The following ASXL3 variants were observed in gnomAD, a reference collection of about 807,000 sequenced individuals.
The protein encoded by ASXL3 is putative Polycomb group protein ASXL3.
Under a neutral mutation model 170.6 loss-of-function variants are expected in ASXL3, and 34 were observed. The ratio of observed to expected loss-of-function variants is 0.20; its 90% CI spans 0.15 to 0.27. The LOEUF (loss-of-function observed/expected upper bound fraction) is 0.27, where lower values mean the gene tolerates loss of function less well. Among genes scored for constraint, ASXL3 ranks in the 10% least tolerant of loss-of-function variants. ASXL3 has a pLI of 1.00. For synonymous variants in ASXL3, 1,002 were observed against 989.1 expected, an observed-to-expected ratio of 1.01 and a Z score of -0.24; for missense variants, 2,592 against 2,695.3, an observed-to-expected ratio of 0.96 and a Z score of 0.85.
rs2067626728 is a variant in ASXL3 at position 33,739,894 on chromosome 18, T to C, written c.2490T>C (p.Asn830=). 6.2e-7 allele frequency: 1 copy of C among 1,613,802 alleles called. No homozygotes were observed. Among genetic ancestry groups the C allele is most frequent in the African/African-American group, 1.3e-5 (1 of 74,892 alleles). ...CATTTCCGTCTGAAGATTTGCACAA[T>C]AAGACCCTGAGTCAGCAAACCTGTA... ...PEAFPSEDLH[N]KTLSQQTCKS... The change falls in exon 11 of 12, where the codon AAT becomes AAC. Residue 830 remains asparagine, a synonymous_variant. Transcript: ENST00000269197.
chr18:33,720,403 C>G (rs1348089506), intron 8 of ASXL3, among the ~76,000 whole-genome samples: 1 of 152,058 alleles, frequency 6.6e-6, no homozygotes, highest in Non-Finnish European at 1.5e-5. Flanking sequence ...TTTATCTATA[C>G]AAGAACATGA....
intron 8 of ASXL3, among the ~76,000 whole-genome samples, chr18:33,684,656 G>A (rs1022765082): frequency 6.6e-6 from 1 of 151,918 alleles, no homozygotes; most frequent in South Asian, 2.1e-4. Context: ...TATATTCTGG[G>A]TGCTTTGGAG....
rs2067791317 is a variant in ASXL3, at chr18:33,746,275, C to G, written c.6427C>G (p.Gln2143Glu). Residue 2143 changes from glutamine (Q) to glutamate (E), a missense_variant, in exon 12 of 12, where the codon CAG becomes GAG. Physicochemically the swap from Gln to Glu is conservative, Grantham distance 29 (BLOSUM62 2). Around this residue, in one of 4 missense-constraint regions of ASXL3, gnomAD observed 2,246 missense variants for 2,219.6 expected, o/e 1.01. Transcript: ENST00000269197. ...TACCCAATTAGCTGCTCAGAAAATG[C>G]AGGTGCAGCAACAACAGCAGCTCTG... ...PFTQLAAQKM[Q>E]VQQQQQLCGN... 6.2e-7 allele frequency: 1 copy of G among 1,613,866 alleles called. No homozygotes were observed. Among genetic ancestry groups the G allele is most frequent in the Non-Finnish European group, 8.5e-7 (1 of 1,179,890 alleles).
At chr18:33,621,842 A>G (rs1568284278) in intron 2 of ASXL3, among the ~76,000 whole-genome samples, 1 of 152,198 alleles carries the variant, frequency 6.6e-6, no homozygotes, top group Non-Finnish European at 1.5e-5. Context: ...GGGTTTGTCC[A>G]ACAGCTATTC....
intron 7 of ASXL3, among the ~76,000 whole-genome samples, chr18:33,681,377 CT>C (rs1328864336): frequency 6.6e-6 from 1 of 152,104 alleles, no homozygotes; most frequent in African/African-American, 2.4e-5. Context: ...CAGCAAGATT[CT>C]CTAAAGGATA....
At chr18:33,658,560 T>G (rs2066118945) in intron 4 of ASXL3, among the ~76,000 whole-genome samples, 3 of 152,172 alleles carry the variant, frequency 2.0e-5, no homozygotes, top group African/African-American at 7.2e-5. Context: ...GTCCTACCCA[T>G]TTTTTCTTTC....
intron 8 of ASXL3, among the ~76,000 whole-genome samples, chr18:33,724,493 ATGTGGCTGTT>A (rs1001066759): frequency 1.3e-5 from 2 of 152,058 alleles, no homozygotes. Context: ...TGCTTATCAC[ATGTGGCTGTT>A]TCTGTCAGTG....
chr18:33,726,188 T>G (rs2067347737), intron 8 of ASXL3, among the ~76,000 whole-genome samples: 1 of 152,196 alleles, frequency 6.6e-6, no homozygotes. Flanking sequence ...AAATTCTTGA[T>G]ATCAGCCTTG....
intron 8 of ASXL3, among the ~76,000 whole-genome samples, chr18:33,698,177 C>T (rs1002276753): frequency 2.0e-5 from 3 of 152,044 alleles, no homozygotes; most frequent in Non-Finnish European, 4.4e-5. Flanking sequence ...GGATTAAACC[C>T]TTATAAAAGA....
rs192117417 is a variant in ASXL3 at position 33,739,925 on chromosome 18, C to T, written c.2521C>T (p.His841Tyr). The T allele has an allele frequency of 2.5e-5, 40 of 1,613,952 alleles. No individual in the cohort carries two copies. In the East Asian group the frequency reaches 8.5e-4, roughly 34 times the overall value. The change falls in exon 11 of 12, where the codon CAT becomes TAT. Residue 841 changes from histidine to tyrosine, a missense_variant. Physicochemically the swap from His to Tyr is moderately conservative, Grantham distance 83. Coordinates refer to ENST00000269197, the MANE Select transcript of ASXL3 (RefSeq NM_030632.3). ...KTLSQQTCKS[H>Y]VDTEKPYPAS... ...CCTGAGTCAGCAAACCTGTAAATCACATGTTGACACTGAGAAGCCCTACCC... is the reference window on the plus strand; with the variant it reads ...CCTGAGTCAGCAAACCTGTAAATCATATGTTGACACTGAGAAGCCCTACCC...
At chr18:33,679,365 C>A (rs375921041) in intron 7 of ASXL3, among the ~76,000 whole-genome samples, 1 of 151,994 alleles carries the variant, frequency 6.6e-6, no homozygotes, top group African/African-American at 2.4e-5. Flanking sequence ...CACCTACATA[C>A]CCAACATCTC....
chr18:33,687,451 T>C (rs2066614665), intron 8 of ASXL3, among the ~76,000 whole-genome samples: 1 of 152,202 alleles, frequency 6.6e-6, no homozygotes, highest in Non-Finnish European at 1.5e-5. Context: ...AATTACATCT[T>C]CACATATTTT....
At chr18:33,713,126 T>G (rs1181539169) in intron 8 of ASXL3, among the ~76,000 whole-genome samples, 1 of 151,576 alleles carries the variant, frequency 6.6e-6, no homozygotes, top group African/African-American at 2.4e-5. Context: ...ATCTCTAGTG[T>G]GGCTCAAAAT....
chr18:33,602,366 C>A (rs978333156), intron 1 of ASXL3, among the ~76,000 whole-genome samples: 19 of 152,016 alleles, frequency 1.2e-4, no homozygotes, highest in African/African-American at 4.6e-4. Flanking sequence ...ATCTTTAACC[C>A]TTCATCCAGC....
intron 8 of ASXL3, among the ~76,000 whole-genome samples, chr18:33,707,332 G>T (rs900973612): frequency 2.6e-5 from 4 of 151,808 alleles, no homozygotes; most frequent in African/African-American, 9.7e-5. Flanking sequence ...TTGCCACATT[G>T]AATCTTCCAA....
chr18:33,593,258 CTTTTTTTTTT>C (rs34699815), intron 1 of ASXL3, among the ~76,000 whole-genome samples: 16 of 87,934 alleles, frequency 1.8e-4, no homozygotes, highest in South Asian at 8.9e-4. Flanking sequence ...CTATGCCCAC[CTTTTTTTTTT>C]TTTTTTTTTT....
At chr18:33,737,498 G>A (rs2067568218) in intron 10 of ASXL3, among the ~76,000 whole-genome samples, 1 of 152,072 alleles carries the variant, frequency 6.6e-6, no homozygotes, top group Non-Finnish European at 1.5e-5. Flanking sequence ...ATAGAAAACA[G>A]TGATTTACAG....
At chr18:33,604,186 T>G (rs1463931404) in intron 1 of ASXL3, among the ~76,000 whole-genome samples, 1 of 152,102 alleles carries the variant, frequency 6.6e-6, no homozygotes, top group Non-Finnish European at 1.5e-5. Context: ...AAAACATGAT[T>G]GTATACTCTG....
Position 33,734,431 on chromosome 18 carries a change from T to C in ASXL3, c.1082+16T>C, listed in dbSNP as rs778962452. 2.0e-6 allele frequency: 3 copies of C among 1,475,612 alleles called. No homozygotes were observed. The African/African-American group carries it at 4.2e-5, about 21-fold the overall frequency. 91.4% of individuals were successfully genotyped at this position (1,475,612 alleles called of 1,614,324 possible). On this transcript the variant is annotated intron_variant, in intron 10 of 11. Transcript: ENST00000269197. The stretch of plus-strand genomic sequence containing the variant: ...ATGGAGAAAAGTAAGTACTAGAGTA[T>C]TTTTTCTCATTTCTCTGAGAAAGAA...
Sources: gnomAD v4.1 joint callset for allele counts (sites outside exome capture counted in the v4.1 genomes callset) on GRCh38, gnomAD v4.1.1 for gene constraint, gnomAD v4.1.1 regional missense constraint, MANE v1.5 for transcripts, NCBI Gene and HGNC (gene_info 2026-07-23, HGNC 2026-07-21) for gene names.